GRK7: variants seen among roughly 807,000 people sequenced by gnomAD.
GRK7 encodes G protein-coupled receptor kinase 7, also known as rhodopsin kinase GRK7.
In GRK7, 24 loss-of-function variants were observed where a neutral mutation model predicts 34.1. The ratio of observed to expected loss-of-function variants is 0.70; its 90% confidence interval spans 0.51 to 0.99. GRK7 has a LOEUF of 0.99. Among genes scored for constraint, GRK7 ranks in the 50% least tolerant of loss-of-function variants. GRK7 has a pLI of 0.00. For missense variants in GRK7, 644 were observed against 707.3 expected (o/e 0.91, Z 1.02); for synonymous variants, 256 against 279.4 (o/e 0.92, Z 0.84).
intron 4 of GRK7, among the ~76,000 whole-genome samples, chr3:141,781,397 C>T (rs1483587234): frequency 6.6e-6 from 1 of 151,696 alleles, no homozygotes; most frequent in African/African-American, 2.4e-5. Flanking sequence ...ATTAGCCAGG[C>T]ATGGTGACAG....
intron 2 of GRK7, among the ~76,000 whole-genome samples, chr3:141,777,204 T>C (rs1439731155): frequency 2.0e-5 from 3 of 152,066 alleles, no homozygotes; most frequent in Non-Finnish European, 4.4e-5. Context: ...TTTGGGATCA[T>C]GGAAAATTCT....
intron 2 of GRK7, among the ~76,000 whole-genome samples, chr3:141,775,988 T>C (rs114832077): frequency 4.6e-3 from 698 of 152,208 alleles, no homozygotes; most frequent in African/African-American, 0.016. Flanking sequence ...TAAGCTTAAA[T>C]ATCTCTGTGA....
chr3:141,770,559 A>G (rs985504038), intron 1 of GRK7, among the ~76,000 whole-genome samples: 1 of 149,014 alleles, frequency 6.7e-6, no homozygotes, highest in Non-Finnish European at 1.5e-5. Context: ...TTACTGAAAG[A>G]AAAAAGAAAA....
upstream of GRK7, among the ~76,000 whole-genome samples, chr3:141,759,529 T>G (rs2084546365): frequency 7.0e-6 from 1 of 143,006 alleles, no homozygotes; most frequent in Admixed American, 7.1e-5. Context: ...GTGGATAAGC[T>G]TTTTGATGTG....
rs991207320 is a variant in GRK7 at position 141,778,956 on chromosome 3, G to C, written c.612+60G>C. On this transcript the variant is annotated intron_variant, in intron 3 of 5. Coordinates refer to ENST00000682958, the MANE Select transcript of GRK7 (RefSeq NM_139209.3). The surrounding 1 kb of genome is among the most constrained non-coding windows in gnomAD (Gnocchi z 4.1). Reference sequence around the variant, plus strand: ...AGCATAGAGCATGAAAGGGGGTAATGTTGCCTTTCTTTTTTTAAATCTCAG... The same window carrying C: ...AGCATAGAGCATGAAAGGGGGTAATCTTGCCTTTCTTTTTTTAAATCTCAG... 3 of 1,468,390 alleles carry C rather than the reference G, an allele frequency of 2.0e-6. No homozygotes were observed. In the African/African-American group the frequency reaches 4.2e-5, roughly 21 times the overall value. The allele number at this position is 1,468,390 out of a possible 1,614,324, so 91.0% of individuals were successfully genotyped here. A position where few individuals can be genotyped will look rare whatever the true frequency, so the allele number is the denominator to read the frequency against.
intron 5 of GRK7, among the ~76,000 whole-genome samples, chr3:141,809,656 C>T (rs1711072652): frequency 6.6e-6 from 1 of 152,054 alleles, no homozygotes; most frequent in Non-Finnish European, 1.5e-5. Flanking sequence ...TGTGATCATG[C>T]CACTGTACTC....
chr3:141,774,640 T>C lies in GRK7; in HGVS notation c.-154T>C, dbSNP rs912563932. On this transcript the variant is annotated 5_prime_UTR_variant, in exon 2 of 6. Transcript: ENST00000682958. ...AACCACGGGAAAAGGCATTTGCTCCTCCGAAGAAATTCTCAGACTGATTTT... is the reference window on the plus strand; with the variant it reads ...AACCACGGGAAAAGGCATTTGCTCCCCCGAAGAAATTCTCAGACTGATTTT... Among the ~76,000 whole-genome samples the C allele has an allele frequency of 2.6e-5, 4 of 152,180 alleles. No individual in the cohort carries two copies. The South Asian group carries it at 8.3e-4, about 32-fold the overall frequency.
intron 4 of GRK7, among the ~76,000 whole-genome samples, chr3:141,804,857 GCT>G (rs1711010225): frequency 6.9e-6 from 1 of 144,284 alleles, no homozygotes; most frequent in Admixed American, 6.9e-5. Flanking sequence ...ACACATACAC[GCT>G]CTCATACACA....
intron 4 of GRK7, among the ~76,000 whole-genome samples, chr3:141,797,527 C>T (rs1224321614): frequency 6.6e-6 from 1 of 152,242 alleles, no homozygotes; most frequent in Non-Finnish European, 1.5e-5. Context: ...CTAAGCTCAG[C>T]TTGTTTTTTT....
the GRK7 span, among the ~76,000 whole-genome samples, chr3:141,750,670 CAG>C: frequency 6.6e-6 from 1 of 151,944 alleles, no homozygotes; most frequent in African/African-American, 2.4e-5. Flanking sequence ...ATATTGTTTG[CAG>C]AGATACTTCT....
intron 4 of GRK7, among the ~76,000 whole-genome samples, chr3:141,803,681 A>G (rs377338683): frequency 3.1e-4 from 47 of 152,190 alleles, no homozygotes; most frequent in African/African-American, 9.9e-4. Flanking sequence ...GCATGTTTTC[A>G]AGGTTCACGA....
intron 1 of GRK7, among the ~76,000 whole-genome samples, chr3:141,769,775 T>C (rs1577910020): frequency 6.6e-6 from 1 of 152,212 alleles, no homozygotes; most frequent in East Asian, 1.9e-4. Context: ...TGGGAGTGGC[T>C]GCATCTCCGA....
chr3:141,760,196 A>C (rs2084549063), upstream of GRK7, among the ~76,000 whole-genome samples: 1 of 146,898 alleles, frequency 6.8e-6, no homozygotes, highest in Non-Finnish European at 1.5e-5. Context: ...AGTTCTTTTA[A>C]TTGTGATGTT....
intron 5 of GRK7, among the ~76,000 whole-genome samples, chr3:141,814,298 T>A (rs1711124852): frequency 6.6e-6 from 1 of 152,204 alleles, no homozygotes; most frequent in East Asian, 1.9e-4. Flanking sequence ...TGTGTAATGC[T>A]GAGGTTTTGG....
intron 1 of GRK7, among the ~76,000 whole-genome samples, chr3:141,769,653 G>A (rs1365014518): frequency 6.6e-6 from 1 of 152,140 alleles, no homozygotes; most frequent in Non-Finnish European, 1.5e-5. Flanking sequence ...TGCAAGCTCT[G>A]CAAGTGACAT....
At chr3:141,760,728 C>A (rs2084552081), upstream of GRK7, among the ~76,000 whole-genome samples, 1 of 146,506 alleles carries the variant, frequency 6.8e-6, no homozygotes, top group Admixed American at 6.9e-5. Context: ...TAAAGTCTCC[C>A]ATTATTAATG....
At position 141,780,579 on chromosome 3, in the gene GRK7, G is replaced by C; in HGVS notation, c.818G>C (p.Gly273Ala). Reference protein sequence around the residue: ...HLCLVMSLMNGGDLKFHIYNV... With the variant: ...HLCLVMSLMNAGDLKFHIYNV... ...TGCCTTGTCATGAGCCTGATGAATG[G>C]GGGAGACCTCAAGTTCCACATCTAC... The change falls in exon 4 of 6, where the codon GGG (glycine) becomes GCG (alanine). Residue 273 changes from glycine to alanine, a missense_variant. Physicochemically the swap from Gly to Ala is moderately conservative, Grantham distance 60. Coordinates refer to ENST00000682958, the MANE Select transcript of GRK7 (RefSeq NM_139209.3). 1 of 1,614,232 alleles carries C rather than the reference G, an allele frequency of 6.2e-7. No individual in the cohort carries two copies. Among genetic ancestry groups the C allele is most frequent in the Non-Finnish European group, 8.5e-7 (1 of 1,180,042 alleles).
At chr3:141,815,646 G>C (rs1225520443) in intron 5 of GRK7, among the ~76,000 whole-genome samples, 1 of 148,000 alleles carries the variant, frequency 6.8e-6, no homozygotes, top group Non-Finnish European at 1.5e-5. Context: ...GAAGTGATGA[G>C]ATGTCACTTC....
rs373338388 is a variant in GRK7 at position 141,808,872 on chromosome 3, A to G, written c.1325+953A>G. ...TAGTGTGAATGTACTTAACACTGTT[A>G]CATTATCTATTCAAAAATAATTAAA... On this transcript the variant is annotated intron_variant, in intron 5 of 5. Transcript: ENST00000682958. 2.0e-5 allele frequency among the ~76,000 whole-genome samples: 3 copies of G among 152,294 alleles called. No individual in the cohort carries two copies. The East Asian group carries it at 5.8e-4, about 29-fold the overall frequency.
Sources: gnomAD v4.1 joint callset for allele counts (sites outside exome capture counted in the v4.1 genomes callset) on GRCh38, gnomAD v4.1.1 for gene constraint, Gnocchi (gnomAD v3.1) non-coding constraint, MANE v1.5 for transcripts, NCBI Gene and HGNC (gene_info 2026-07-23, HGNC 2026-07-21) for gene names.